The following ZNF385C variants were observed in gnomAD, a reference collection of about 807,000 sequenced individuals.
ZNF385C encodes zinc finger protein 385C, also known as CTD-2132N18.2.
ZNF385C carries 28 observed loss-of-function variants against 35.4 expected under a neutral mutation model. The ratio of observed to expected loss-of-function variants is 0.79; its 90% CI spans 0.59 to 1.08. The LOEUF (loss-of-function observed/expected upper bound fraction) is 1.08, where lower values mean the gene tolerates loss of function less well. ZNF385C is among the 50% of genes least tolerant of loss of function. ZNF385C has a pLI of 0.00. For synonymous variants in ZNF385C, 248 were observed against 248.2 expected (o/e 1.00, Z 0.01); for missense variants, 605 against 595.6 (o/e 1.02, Z -0.16).
At chr17:42,039,076 C>T (rs1005788902) in intron 2 of ZNF385C, 1 of 152,118 alleles carries the variant, frequency 6.6e-6, no homozygotes, top group Non-Finnish European at 1.5e-5. Flanking sequence ...CATGGTGAAA[C>T]CCTGTCTCTA....
At chr17:42,079,207 T>A (rs1208052423) in intron 1 of ZNF385C, among the ~76,000 whole-genome samples, 72 of 122,794 alleles carry the variant, frequency 5.9e-4, no homozygotes, top group African/African-American at 2.3e-3. Context: ...AAAAAAAATA[T>A]ATATATATAT....
intron 2 of ZNF385C, among the ~76,000 whole-genome samples, chr17:42,047,874 C>T (rs557082434): frequency 1.3e-3 from 203 of 151,472 alleles, no homozygotes; most frequent in Non-Finnish European, 1.7e-3. Context: ...AGGCTGGTCT[C>T]GAACTCCTGA....
At chr17:42,069,678 G>C (rs2053596379) in intron 1 of ZNF385C, among the ~76,000 whole-genome samples, 1 of 152,352 alleles carries the variant, frequency 6.6e-6, no homozygotes, top group Non-Finnish European at 1.5e-5. Context: ...CTACTTCCCA[G>C]ACCAGGCCAG....
intron 1 of ZNF385C, among the ~76,000 whole-genome samples, chr17:42,077,668 G>A (rs894155624): frequency 7.9e-5 from 12 of 152,168 alleles, no homozygotes; most frequent in African/African-American, 1.7e-4. Context: ...CAGAGACCCC[G>A]GCCCAGCCAG....
intron 1 of ZNF385C, among the ~76,000 whole-genome samples, chr17:42,093,077 CG>C (rs2053879054): frequency 1.3e-5 from 2 of 152,192 alleles, no homozygotes; most frequent in Admixed American, 1.3e-4. Context: ...CCAACACAGC[CG>C]CTCCTGTGCA....
chr17:42,045,283 C>T (rs1252624833), intron 2 of ZNF385C, among the ~76,000 whole-genome samples: 1 of 152,144 alleles, frequency 6.6e-6, no homozygotes, highest in Non-Finnish European at 1.5e-5. Context: ...GATCTCCTGA[C>T]CTTGTGATCC....
intron 2 of ZNF385C, chr17:42,040,576 C>T (rs1395210471): frequency 2.4e-6 from 3 of 1,232,628 alleles, no homozygotes; most frequent in Admixed American, 8.4e-5. Flanking sequence ...GGCCAGTGAC[C>T]CCGCCACAGG....
chr17:42,075,972 C>T (rs1248141654), intron 1 of ZNF385C, among the ~76,000 whole-genome samples: 1 of 152,126 alleles, frequency 6.6e-6, no homozygotes, highest in African/African-American at 2.4e-5. Context: ...TCTATTTTCA[C>T]GTGATGCACT....
intron 6 of ZNF385C, 140 bp downstream of exon 6, chr17:42,028,643 C>T (rs1001860257): frequency 8.2e-6 from 9 of 1,093,388 alleles, no homozygotes; most frequent in Middle Eastern, 3.1e-4. Context: ...CAGAAACGTC[C>T]GTTCAGTAAC....
chr17:42,047,801 G>A (rs782726653), intron 2 of ZNF385C, among the ~76,000 whole-genome samples: 6 of 151,486 alleles, frequency 4.0e-5, no homozygotes, highest in Admixed American at 1.3e-4. Context: ...TTACAGGCGC[G>A]CACCACCATG....
intron 2 of ZNF385C, chr17:42,043,315 C>T (rs566673078): frequency 5.7e-6 from 7 of 1,232,242 alleles, no homozygotes; most frequent in African/African-American, 4.6e-5. Flanking sequence ...GTTGAAGTAA[C>T]GCTTACACTT....
Position 42,027,701 on chromosome 17 carries a change from G to A in ZNF385C, c.1192C>T (p.Arg398Cys), listed in dbSNP as rs781970480. The change falls in exon 8 of 9, where the codon CGC becomes TGC. Residue 398 changes from arginine (R) to cysteine (C), a missense_variant. Transcript: ENST00000692273. ...GGCTTGGGGGTCTTCCCGGCCAGGC[G>A]GTCTTTGTGCCTCCTGCTGCTCATG... ...QHMSSRRHKD[R>C]LAGKTPKPSS... is the part of the protein sequence containing the mutation. 49 of 1,612,606 alleles carry A rather than the reference G, an allele frequency of 3.0e-5. No homozygotes were observed. Among genetic ancestry groups the A allele is most frequent in the South Asian group, 5.5e-5 (5 of 91,016 alleles).
chr17:42,091,019 A>T (rs1295198577), intron 1 of ZNF385C, among the ~76,000 whole-genome samples: 1 of 152,154 alleles, frequency 6.6e-6, no homozygotes, highest in African/African-American at 2.4e-5. Flanking sequence ...AATCAGTGTC[A>T]CTGGGATGAG....
At chr17:42,082,805 C>T (rs559687076) in intron 1 of ZNF385C, among the ~76,000 whole-genome samples, 21 of 152,226 alleles carry the variant, frequency 1.4e-4, no homozygotes, top group Non-Finnish European at 2.1e-4. Context: ...AGGCCAGGCG[C>T]GGTGGCTTAC....
intron 2 of ZNF385C, among the ~76,000 whole-genome samples, chr17:42,060,742 G>C (rs2053447589): frequency 1.3e-5 from 2 of 152,018 alleles, no homozygotes; most frequent in African/African-American, 4.8e-5. Flanking sequence ...TTGAGACAGG[G>C]TCTCCCTCTG....
intron 2 of ZNF385C, chr17:42,039,428 C>G (rs1451334776): frequency 2.9e-6 from 1 of 340,898 alleles, no homozygotes; most frequent in East Asian, 4.4e-5. Context: ...GTGAGCTACT[C>G]CTCATCTAAC....
chr17:42,075,442 A>G (rs1327955280), intron 1 of ZNF385C, among the ~76,000 whole-genome samples: 1 of 151,686 alleles, frequency 6.6e-6, no homozygotes, highest in Non-Finnish European at 1.5e-5. Flanking sequence ...AATGTGTTGA[A>G]TAAATGGTTT....
At chr17:42,029,626 A>G (rs2052681194) in intron 5 of ZNF385C, among the ~76,000 whole-genome samples, 1 of 152,230 alleles carries the variant, frequency 6.6e-6, no homozygotes, top group Non-Finnish European at 1.5e-5. Context: ...AGGCAGGAGA[A>G]TCGCTTGAAC....
chr17:42,028,931 A>C lies in ZNF385C; in HGVS notation c.819T>G (p.Pro273=), dbSNP rs556197642. 41 of 1,550,460 alleles carry C rather than the reference A, an allele frequency of 2.6e-5. No individual in the cohort carries two copies. The highest frequency in any genetic ancestry group is 3.5e-5 in the Non-Finnish European group (40 of 1,147,010). The change falls in exon 6 of 9, where the codon CCT becomes CCG. Residue 273 remains proline, a synonymous_variant. Transcript: ENST00000692273. ...SSSCPPCSPE[P]GREAPGPEPA... is the part of the protein sequence containing the mutation. ...GCTCAGGCCCCGGTGCCTCTCTCCC[A>C]GGCTCTGGGGAGCAAGGTGGGCAGG... is the stretch of plus-strand genomic sequence containing the variant.
Sources: allele counts gnomAD v4.1 joint callset (sites outside exome capture counted in the v4.1 genomes callset), GRCh38; gene constraint gnomAD v4.1.1; transcripts MANE v1.5; gene names NCBI Gene and HGNC (gene_info 2026-07-23, HGNC 2026-07-21).